The following SESN3 variants were observed in gnomAD, a reference collection of about 807,000 sequenced individuals.
SESN3 encodes the protein sestrin-3.
In SESN3, 21 loss-of-function variants were observed where a neutral mutation model predicts 55.3. The observed-to-expected ratio is 0.38, with a 90% CI of 0.27 to 0.55. SESN3 has a LOEUF of 0.55. Among genes scored for constraint, SESN3 ranks in the 20% least tolerant of loss-of-function variants. The pLI is 0.76. For synonymous variants in SESN3, 181 were observed against 203.1 expected (o/e 0.89, Z 0.93); for missense variants, 408 against 604.3 (o/e 0.68, Z 3.41).
At chr11:95,231,283 T>C (rs1385840023), upstream of SESN3, 1 of 391,386 alleles carries the variant, frequency 2.6e-6, no homozygotes, top group African/African-American at 2.1e-5. Flanking sequence ...CAGCTCCGGC[T>C]ACGCCCCCAG....
chr11:95,203,353 C>T (rs572146716), intron 1 of SESN3, among the ~76,000 whole-genome samples: 27 of 152,078 alleles, frequency 1.8e-4, no homozygotes, highest in Admixed American at 7.9e-4. Flanking sequence ...TACTTCTTTA[C>T]GCACTGAGTC....
chr11:95,208,678 G>A (rs1860594367), intron 1 of SESN3, among the ~76,000 whole-genome samples: 1 of 151,368 alleles, frequency 6.6e-6, no homozygotes, highest in Non-Finnish European at 1.5e-5. Flanking sequence ...TATACTACAA[G>A]GCTACAGTAA....
intron 6 of SESN3, among the ~76,000 whole-genome samples, chr11:95,183,360 T>A (rs1251013365): frequency 1.3e-5 from 2 of 152,120 alleles, no homozygotes; most frequent in Admixed American, 1.3e-4. Context: ...AAAAAGATCA[T>A]CAGGAGAAAT....
Position 95,165,944 on chromosome 11 carries a change from C to A in SESN3, c.*7311G>T, listed in dbSNP as rs1859739003. On this transcript the variant is annotated 3_prime_UTR_variant, in exon 10 of 10. Transcript: ENST00000536441. ...ACAAAAGCTTTCATGGGTTCTAGAA[C>A]CTTCTTAACTGCTGATTCATGTGGA... 6.6e-6 allele frequency: 1 copy of A among 152,112 alleles called. No homozygotes were observed. The highest frequency in any genetic ancestry group is 1.5e-5 in the Non-Finnish European group (1 of 68,026). 9.4% of individuals were successfully genotyped at this position (152,112 alleles called of 1,614,324 possible).
At chr11:95,220,084 CAG>C (rs1190013896) in intron 1 of SESN3, among the ~76,000 whole-genome samples, 1 of 152,090 alleles carries the variant, frequency 6.6e-6, no homozygotes, top group Non-Finnish European at 1.5e-5. Context: ...GAAACTCTTC[CAG>C]AGATGTAGAT....
chr11:95,214,893 G>T (rs1206407011), intron 1 of SESN3, among the ~76,000 whole-genome samples: 1 of 152,118 alleles, frequency 6.6e-6, no homozygotes, highest in South Asian at 2.1e-4. Context: ...TCGTAAACAA[G>T]CTTTCAAAAC....
chr11:95,218,941 C>T (rs1591077136), intron 1 of SESN3, among the ~76,000 whole-genome samples: 1 of 152,178 alleles, frequency 6.6e-6, no homozygotes, highest in Non-Finnish European at 1.5e-5. Context: ...CGTGAGCCGC[C>T]GCACCCGGCC....
chr11:95,192,970 T>A (rs905302441), intron 2 of SESN3, among the ~76,000 whole-genome samples: 1 of 152,108 alleles, frequency 6.6e-6, no homozygotes, highest in Admixed American at 6.6e-5. Flanking sequence ...AACCAGATTA[T>A]CCTCAAATAT....
In SESN3 at chr11:95,173,155, G is replaced by A; in HGVS notation, c.*100C>T. 1 of 637,674 alleles carries A rather than the reference G, an allele frequency of 1.6e-6. No homozygotes were observed. The highest frequency in any genetic ancestry group is 2.7e-6 in the Non-Finnish European group (1 of 369,650). 39.5% of individuals were successfully genotyped at this position (637,674 alleles called of 1,614,324 possible). A position where few individuals can be genotyped will look rare whatever the true frequency, so the allele number is the denominator to read the frequency against. ...AACAAACGGCTAAACTTTGACACTA[G>A]AGAACTGAATAATTTTTGATGCTAT... On this transcript the variant is annotated 3_prime_UTR_variant, in exon 10 of 10. Transcript: ENST00000536441.
In SESN3 at chr11:95,193,329, T is replaced by C. The variant is rs558922193; in HGVS notation, c.144+128A>G. 1.4e-5 allele frequency: 9 copies of C among 633,378 alleles called. No individual in the cohort carries two copies. The African/African-American group carries it at 1.7e-4, about 12-fold the overall frequency. The allele number at this position is 633,378 out of a possible 1,614,324, so 39.2% of individuals were successfully genotyped here. A position where few individuals can be genotyped will look rare whatever the true frequency, so the allele number is the denominator to read the frequency against. The stretch of plus-strand genomic sequence containing the variant: ...TGAAAAGAAAATATCTCCATGGTTT[T>C]CTGACATGTGAACAAGAAACTCAAA... On this transcript the variant is annotated intron_variant, in intron 2 of 9. Transcript: ENST00000536441.
intron 1 of SESN3, among the ~76,000 whole-genome samples, chr11:95,211,218 C>T (rs540219642): frequency 6.6e-6 from 1 of 152,334 alleles, no homozygotes; most frequent in African/African-American, 2.4e-5. Context: ...CACTGCCCCT[C>T]GTTGTTCATT....
At chr11:95,218,882 G>C (rs2134264369) in intron 1 of SESN3, among the ~76,000 whole-genome samples, 1 of 152,196 alleles carries the variant, frequency 6.6e-6, no homozygotes, top group East Asian at 1.9e-4. Flanking sequence ...TCGTTCTCCT[G>C]ACCTCGTGAT....
chr11:95,224,815 A>G (rs1860920129), intron 1 of SESN3, among the ~76,000 whole-genome samples: 1 of 152,214 alleles, frequency 6.6e-6, no homozygotes, highest in Non-Finnish European at 1.5e-5. Context: ...ATGTTTATCA[A>G]ATGCCCAGGT....
At chr11:95,215,889 G>C (rs958391112) in intron 1 of SESN3, among the ~76,000 whole-genome samples, 3 of 151,982 alleles carry the variant, frequency 2.0e-5, no homozygotes, top group Admixed American at 1.3e-4. Flanking sequence ...ACGAGGTCAG[G>C]AGATCGAGAC....
intron 4 of SESN3, among the ~76,000 whole-genome samples, chr11:95,188,265 A>C (rs1300422053): frequency 6.6e-6 from 1 of 151,684 alleles, no homozygotes; most frequent in Non-Finnish European, 1.5e-5. Flanking sequence ...TTGTAAATTT[A>C]TACACATAAA....
In SESN3 at chr11:95,168,804, G is replaced by A. The variant is rs1475901575; in HGVS notation, c.*4451C>T. The A allele has an allele frequency of 6.6e-6, 1 of 152,522 alleles. No individual in the cohort carries two copies. The highest frequency in any genetic ancestry group is 1.5e-5 in the Non-Finnish European group (1 of 68,160). The allele number at this position is 152,522 out of a possible 1,614,324, so 9.4% of individuals were successfully genotyped here. On this transcript the variant is annotated 3_prime_UTR_variant, in exon 10 of 10. Coordinates refer to ENST00000536441, the MANE Select transcript of SESN3 (RefSeq NM_144665.4). ...ATCAGCGGGTGGCTGGTGATGTTTGGTTTGGATTGTGAAAGCTGCTTAGAC... is the reference window on the plus strand; with the variant it reads ...ATCAGCGGGTGGCTGGTGATGTTTGATTTGGATTGTGAAAGCTGCTTAGAC...
chr11:95,177,181 A>T (rs1859973682), intron 8 of SESN3, among the ~76,000 whole-genome samples: 1 of 152,174 alleles, frequency 6.6e-6, no homozygotes, highest in African/African-American at 2.4e-5. Context: ...TCATGTACTT[A>T]CTGTCCTCTC....
At chr11:95,209,508 AG>A (rs1860610362) in intron 1 of SESN3, among the ~76,000 whole-genome samples, 1 of 151,454 alleles carries the variant, frequency 6.6e-6, no homozygotes, top group Admixed American at 6.6e-5. Context: ...TCAAGGATCT[AG>A]AACCAGAAAT....
At chr11:95,195,754 G>A (rs1160736018) in intron 1 of SESN3, among the ~76,000 whole-genome samples, 5 of 152,166 alleles carry the variant, frequency 3.3e-5, no homozygotes, top group Non-Finnish European at 7.3e-5. Flanking sequence ...ATTCCCAGAA[G>A]TGGACTTACT....
Sources: allele counts gnomAD v4.1 joint callset (sites outside exome capture counted in the v4.1 genomes callset), GRCh38; gene constraint gnomAD v4.1.1; transcripts MANE v1.5; gene names NCBI Gene and HGNC (gene_info 2026-07-23, HGNC 2026-07-21).